Variants in MED24 observed in about 807,000 individuals in gnomAD.
The protein encoded by MED24 is mediator complex subunit 24, also known as mediator of RNA polymerase II transcription subunit 24.
In MED24, 74 loss-of-function variants were observed where a neutral mutation model predicts 118.8. The observed-to-expected ratio is 0.62, with a 90% CI of 0.52 to 0.76. The LOEUF (loss-of-function observed/expected upper bound fraction) is 0.76, where lower values mean the gene tolerates loss of function less well. MED24 is among the 30% of genes least tolerant of loss of function. The pLI is 0.00. For synonymous variants in MED24, 521 were observed against 523.9 expected, an observed-to-expected ratio of 0.99 and a Z score of 0.08; for missense variants, 1,041 against 1,278.9, an observed-to-expected ratio of 0.81 and a Z score of 2.84.
chr17:40,032,122 G>A (rs1229230582), intron 9 of MED24, 32 bp from the exon 10 acceptor site: 2 of 1,609,296 alleles, frequency 1.2e-6, no homozygotes, highest in African/African-American at 2.7e-5. Context: ...AAAACAGGAA[G>A]ATCCATTTCT....
chr17:40,035,679 G>A, intron 5 of MED24, 43 bp downstream of exon 5: 1 of 1,592,498 alleles, frequency 6.3e-7, no homozygotes, highest in Non-Finnish European at 8.6e-7. Flanking sequence ...ACAAAGACAA[G>A]GCTGGAACAT....
chr17:40,038,808 C>T (rs1394969768), intron 3 of MED24, among the ~76,000 whole-genome samples: 1 of 151,906 alleles, frequency 6.6e-6, no homozygotes, highest in Non-Finnish European at 1.5e-5. Context: ...CACCAAAATA[C>T]ACTGCTCTGT....
chr17:40,019,720 T>C (rs528971200), intron 25 of MED24, 65 bp downstream of exon 25: 4 of 1,591,762 alleles, frequency 2.5e-6, no homozygotes, highest in Non-Finnish European at 3.4e-6. Context: ...AGGAGGCCCC[T>C]CCCTGCTCTA....
At chr17:40,024,248 C>T (rs1982382562) in intron 19 of MED24, among the ~76,000 whole-genome samples, 1 of 152,148 alleles carries the variant, frequency 6.6e-6, no homozygotes, top group African/African-American at 2.4e-5. Context: ...TTAAGACATC[C>T]TCAGGCCCGG....
intron 16 of MED24, 44 bp downstream of exon 16, chr17:40,027,338 AC>A: frequency 6.3e-7 from 1 of 1,576,768 alleles, no homozygotes; most frequent in South Asian, 1.1e-5. Flanking sequence ...GTTCCGGGTT[AC>A]CTCCTTCCCT....
intron 3 of MED24, among the ~76,000 whole-genome samples, chr17:40,052,541 T>A (rs570043743): frequency 6.6e-6 from 1 of 152,338 alleles, no homozygotes; most frequent in African/African-American, 2.4e-5. Context: ...GTCTGGCACA[T>A]AAAAGCATTC....
In MED24 at chr17:40,028,115, T is replaced by G. The variant is rs564756700; in HGVS notation, c.1410-169A>C. 5.8e-4 allele frequency: 342 copies of G among 594,142 alleles called. 1 individual carries two copies. The highest frequency in any genetic ancestry group is 1.5e-3 in the African/African-American group (71 of 47,944). The allele number at this position is 594,142 out of a possible 1,614,324, so 36.8% of individuals were successfully genotyped here. A position where few individuals can be genotyped will look rare whatever the true frequency, so the allele number is the denominator to read the frequency against. The stretch of plus-strand genomic sequence containing the variant: ...AGGTTTTTGTGGTTTTTGTTTTTTG[T>G]TTTTTTTTTGTTTTTTTTGAGAAAG... On this transcript the variant is annotated intron_variant, in intron 14 of 25. Transcript: ENST00000394128.
At chr17:40,048,710 C>T (rs1306903019) in intron 3 of MED24, among the ~76,000 whole-genome samples, 2 of 151,968 alleles carry the variant, frequency 1.3e-5, no homozygotes, top group African/African-American at 4.8e-5. Flanking sequence ...CGCACCACCA[C>T]ACCCGGCTAA....
chr17:40,027,451 C>T lies in MED24; in HGVS notation c.1462G>A (p.Val488Ile), dbSNP rs370547067. 6 of 1,612,334 alleles carry T rather than the reference C, an allele frequency of 3.7e-6. No individual in the cohort carries two copies. The highest frequency in any genetic ancestry group is 4.2e-6 in the Non-Finnish European group (5 of 1,179,150). ...GAGATGTCAAACAGCAGGGCCCGGA[C>T]GGAGGCCGGTTTGGCTGTGGAAGGA... Reference protein sequence around the residue: ...GSEESTKPASVRALLFDISFL... With the variant: ...GSEESTKPASIRALLFDISFL... Residue 488 changes from valine (V) to isoleucine (I), a missense_variant, in exon 16 of 26, where the codon GTC (valine) becomes ATC (isoleucine). By Grantham distance (29) the Val-to-Ile change is conservative. This residue lies in a region of MED24 where 587 missense variants were observed against 694.4 expected (regional missense o/e 0.85). Transcript: ENST00000394128.
In MED24 at chr17:40,044,878, C is replaced by CA. The variant is rs5820328; in HGVS notation, c.213+8419dup. 7.9e-3 allele frequency among the ~76,000 whole-genome samples: 894 copies of CA among 113,656 alleles called. 13 individuals are homozygous for CA. In the Middle Eastern group the frequency reaches 0.085, roughly 11 times the overall value. The allele number at this position is 113,656 out of a possible 152,430, so 74.6% of individuals were successfully genotyped here. A position where few individuals can be genotyped will look rare whatever the true frequency, so the allele number is the denominator to read the frequency against. On this transcript the variant is annotated intron_variant, in intron 3 of 25. Transcript: ENST00000394128. Reference sequence around the variant, plus strand: ...TGGGCGACACAGCGAGACTCCATCTCAAAAAAAAAAAAAAAAATTATATCC... The same window carrying CA: ...TGGGCGACACAGCGAGACTCCATCTCAAAAAAAAAAAAAAAAAATTATATCC...
At chr17:40,026,414 T>G (rs1365276422) in intron 18 of MED24, 83 bp from the exon 19 acceptor site, 1 of 1,529,926 alleles carries the variant, frequency 6.5e-7, no homozygotes, top group Non-Finnish European at 8.9e-7. Context: ...TGCGGGCAGC[T>G]AAGTGCAGCG....
In MED24 at chr17:40,023,205, T is replaced by C; in HGVS notation, c.2176A>G (p.Ser726Gly). The C allele has an allele frequency of 6.2e-7, 1 of 1,614,146 alleles. No individual in the cohort carries two copies. The highest frequency in any genetic ancestry group is 8.5e-7 in the Non-Finnish European group (1 of 1,179,996). Residue 726 changes from serine (S) to glycine (G), a missense_variant, in exon 20 of 26, where the codon AGC becomes GGC. Physicochemically the swap from Ser to Gly is moderately conservative, Grantham distance 56. This residue lies in a region of MED24 where 587 missense variants were observed against 694.4 expected (regional missense o/e 0.85). Transcript: ENST00000394128. The part of the protein sequence containing the change: ...AKVLEKGWVD[S>G]RSIHIFDTLL... ...GTGTCAAAGATGTGGATGGAGCGGC[T>C]GTCCACCCAGCCCTTCTCCAGCACC... is the stretch of plus-strand genomic sequence containing the variant.
Position 40,033,121 on chromosome 17 carries a change from T to C in MED24, c.757A>G (p.Thr253Ala), listed in dbSNP as rs763938002. ...TVHAVILLEG[T>A]MNLTGETQSL... Reference sequence around the variant, plus strand: ...TGCGTCTCGCCTGTCAGGTTCATGGTGCCCTCGAGCAGGATCACGGCGTGG... The same window carrying C: ...TGCGTCTCGCCTGTCAGGTTCATGGCGCCCTCGAGCAGGATCACGGCGTGG... The change falls in exon 8 of 26, where the codon ACC (threonine) becomes GCC (alanine). Residue 253 changes from threonine to alanine, a missense_variant. Transcript: ENST00000394128. This position sits in a 1 kb window ranked among gnomAD's most constrained non-coding sequence, Gnocchi z 5.2. The C allele has an allele frequency of 6.2e-7, 1 of 1,614,132 alleles. No individual in the cohort carries two copies. Among genetic ancestry groups the C allele is most frequent in the Non-Finnish European group, 8.5e-7 (1 of 1,180,028 alleles).
At chr17:40,041,365 C>A (rs1984546240) in intron 3 of MED24, among the ~76,000 whole-genome samples, 1 of 152,158 alleles carries the variant, frequency 6.6e-6, no homozygotes. Context: ...AAGTGTGTTC[C>A]TTAAATGAGA....
At chr17:40,029,049 C>A (rs1224026194) in intron 13 of MED24, 81 bp from the exon 14 acceptor site, 1 of 1,569,064 alleles carries the variant, frequency 6.4e-7, no homozygotes, top group East Asian at 2.2e-5. Flanking sequence ...CATTTTCTCT[C>A]TTCACAACCT....
intron 11 of MED24, 109 bp downstream of exon 11, chr17:40,031,427 AAG>A: frequency 7.8e-7 from 1 of 1,290,040 alleles, no homozygotes; most frequent in Non-Finnish European, 1.1e-6. Flanking sequence ...TGCCCCTGCC[AAG>A]GGGAGTGAAC....
In MED24 at chr17:40,053,341, T is replaced by C. The variant is rs749075515; in HGVS notation, c.170A>G (p.Asn57Ser). 1.9e-6 allele frequency: 3 copies of C among 1,612,790 alleles called. No homozygotes were observed. Among genetic ancestry groups the C allele is most frequent in the South Asian group, 2.2e-5 (2 of 90,964 alleles). ...CTTCAGGTAGGACAAGATGAGAGGA[T>C]TGGGGGATGGTCCAATCATGGCCTG... ...LEQAMIGPSP[N>S]PLILSYLKYA... The change falls in exon 3 of 26, where the codon AAT becomes AGT. Residue 57 changes from asparagine to serine, a missense_variant. Physicochemically the swap from Asn to Ser is conservative, Grantham distance 46 (BLOSUM62 1). Coordinates refer to ENST00000394128, the MANE Select transcript of MED24 (RefSeq NM_014815.4).
At position 40,033,146 on chromosome 17, in the gene MED24, G is replaced by A; in HGVS notation, c.732C>T (p.Val244=). The change falls in exon 8 of 26, where the codon GTC becomes GTT. Residue 244 remains valine (V), a synonymous_variant. Transcript: ENST00000394128. This position sits in a 1 kb window ranked among gnomAD's most constrained non-coding sequence, Gnocchi z 5.2. ...TGCCCTCGAGCAGGATCACGGCGTG[G>A]ACAGTGGGGAAGCCGGTCTTGTGCA... ...EQMHKTGFPT[V]HAVILLEGTM... The A allele has an allele frequency of 6.2e-7, 1 of 1,614,108 alleles. No individual in the cohort carries two copies.
intron 3 of MED24, among the ~76,000 whole-genome samples, chr17:40,050,397 A>G (rs1022572175): frequency 2.0e-5 from 3 of 152,104 alleles, no homozygotes; most frequent in Non-Finnish European, 4.4e-5. Flanking sequence ...CAGTAAGCAG[A>G]GATCACGCCA....
Sources: allele counts gnomAD v4.1 joint callset (sites outside exome capture counted in the v4.1 genomes callset), GRCh38; gene constraint gnomAD v4.1.1; regional missense constraint gnomAD v4.1.1; non-coding constraint Gnocchi (gnomAD v3.1); transcripts MANE v1.5; gene names NCBI Gene and HGNC (gene_info 2026-07-23, HGNC 2026-07-21).